KAZN: variants seen among roughly 807,000 people sequenced by gnomAD.
KAZN encodes the protein kazrin.
KAZN carries 40 observed loss-of-function variants against 87.4 expected under a neutral mutation model. The ratio of observed to expected loss-of-function variants is 0.46; its 90% CI spans 0.36 to 0.60. The LOEUF (loss-of-function observed/expected upper bound fraction) is 0.60, where lower values mean the gene tolerates loss of function less well. KAZN is among the 20% of genes least tolerant of loss of function. The pLI, the probability that KAZN is intolerant of heterozygous loss-of-function variation, is 0.00. For synonymous variants in KAZN, 466 were observed against 458.3 expected (o/e 1.02, Z -0.22); for missense variants, 898 against 1,073.9 (o/e 0.84, Z 2.29).
chr1:14,012,970 G>A (rs1373183714), intron 1 of KAZN, among the ~76,000 whole-genome samples: 8 of 152,156 alleles, frequency 5.3e-5, no homozygotes, highest in South Asian at 2.1e-4. Context: ...AGAAGGCTTC[G>A]AGCCTGATAG....
intron 1 of KAZN, among the ~76,000 whole-genome samples, chr1:13,955,571 T>C (rs1263734735): frequency 6.6e-6 from 1 of 152,144 alleles, no homozygotes. Context: ...TGGTGTCTTT[T>C]GGGATTATGG....
At chr1:14,833,697 G>A (rs1344336182) in intron 1 of KAZN, among the ~76,000 whole-genome samples, 2 of 152,076 alleles carry the variant, frequency 1.3e-5, no homozygotes, top group Admixed American at 6.6e-5. Context: ...CAGGTGCCCG[G>A]GGGAAAGCAT....
chr1:14,450,125 C>CA (rs530932599), intron 2 of KAZN, among the ~76,000 whole-genome samples: 18 of 151,958 alleles, frequency 1.2e-4, no homozygotes, highest in South Asian at 2.1e-4. Flanking sequence ...GTGCTGCCCC[C>CA]CCGCCTGCAG....
At chr1:14,874,729 A>G (rs971195607) in intron 1 of KAZN, among the ~76,000 whole-genome samples, 2 of 152,192 alleles carry the variant, frequency 1.3e-5, no homozygotes, top group African/African-American at 2.4e-5. Flanking sequence ...TGTGTTTGCT[A>G]TAAGATGAGA....
At chr1:14,791,656 G>A (rs1645677164) in intron 1 of KAZN, among the ~76,000 whole-genome samples, 1 of 152,194 alleles carries the variant, frequency 6.6e-6, no homozygotes, top group East Asian at 1.9e-4. Flanking sequence ...TGAGGACGGC[G>A]AGAGTGAGCT....
At chr1:13,907,288 G>A (rs1639476835) in intron 1 of KAZN, among the ~76,000 whole-genome samples, 1 of 152,220 alleles carries the variant, frequency 6.6e-6, no homozygotes, top group Non-Finnish European at 1.5e-5. Flanking sequence ...GCCAGTATTA[G>A]GGATCAGTTG....
intron 1 of KAZN, among the ~76,000 whole-genome samples, chr1:13,973,947 T>C (rs1359888299): frequency 1.3e-5 from 2 of 152,194 alleles, no homozygotes; most frequent in African/African-American, 4.8e-5. Flanking sequence ...AGACTATGCA[T>C]ATCGTCATAC....
Position 14,714,877 on chromosome 1 carries a change from C to T in KAZN, c.226+115654C>T, listed in dbSNP as rs745614803. 2.7e-4 allele frequency among the ~76,000 whole-genome samples: 40 copies of T among 150,590 alleles called. 1 individual carries two copies. Among genetic ancestry groups the T allele is most frequent in the Non-Finnish European group, 3.2e-4 (22 of 67,824 alleles). On this transcript the variant is annotated intron_variant, in intron 1 of 14. Coordinates refer to ENST00000376030, the MANE Select transcript of KAZN (RefSeq NM_201628.3). The stretch of plus-strand genomic sequence containing the variant: ...TGGCACAATCACAGTTCACCGCAGC[C>T]TTGACTTCCCAGACTCAAGTGATCC...
At chr1:14,031,666 C>A (rs751110718) in intron 1 of KAZN, among the ~76,000 whole-genome samples, 4 of 152,194 alleles carry the variant, frequency 2.6e-5, no homozygotes, top group African/African-American at 4.8e-5. Context: ...GTTGTCATGG[C>A]AACACATCCC....
chr1:14,641,603 A>G (rs960526513), intron 1 of KAZN, among the ~76,000 whole-genome samples: 18 of 152,270 alleles, frequency 1.2e-4, no homozygotes, highest in African/African-American at 4.3e-4. Context: ...AATGGAAGAG[A>G]CTAGAAGAAG....
chr1:14,506,030 A>G (rs1462468067), intron 2 of KAZN, among the ~76,000 whole-genome samples: 1 of 152,210 alleles, frequency 6.6e-6, no homozygotes, highest in Non-Finnish European at 1.5e-5. Flanking sequence ...ATGTGAATGT[A>G]CTTCATGTCA....
intron 1 of KAZN, among the ~76,000 whole-genome samples, chr1:14,059,800 T>G (rs1642716200): frequency 6.6e-6 from 1 of 152,242 alleles, no homozygotes. Flanking sequence ...TAGGATTCCT[T>G]CAGGTCCAGG....
At chr1:14,278,354 A>T (rs910197387) in intron 2 of KAZN, among the ~76,000 whole-genome samples, 3 of 148,218 alleles carry the variant, frequency 2.0e-5, no homozygotes, top group Non-Finnish European at 4.5e-5. Context: ...GCAGTGGTAC[A>T]ATCTCTGCTC....
At chr1:13,914,511 G>A (rs528211520) in intron 1 of KAZN, among the ~76,000 whole-genome samples, 1 of 152,206 alleles carries the variant, frequency 6.6e-6, no homozygotes, top group African/African-American at 2.4e-5. Context: ...TCACCGCCTC[G>A]ATTAGGTTAT....
intron 13 of KAZN, among the ~76,000 whole-genome samples, chr1:15,111,566 C>T (rs556419121): frequency 1.3e-5 from 2 of 152,358 alleles, no homozygotes; most frequent in South Asian, 2.1e-4. Context: ...GCATGAGCCA[C>T]CATGCCCGGC....
intron 2 of KAZN, among the ~76,000 whole-genome samples, chr1:14,452,035 A>G (rs1571683771): frequency 6.6e-6 from 1 of 152,054 alleles, no homozygotes; most frequent in Non-Finnish European, 1.5e-5. Flanking sequence ...CGTCTCCTGG[A>G]TTCTAGCGAT....
intron 2 of KAZN, among the ~76,000 whole-genome samples, chr1:14,277,852 C>A (rs551948157): frequency 5.5e-4 from 84 of 152,174 alleles, no homozygotes; most frequent in Admixed American, 3.7e-3. Context: ...TCAATTTATA[C>A]ACATTCACCT....
chr1:14,733,492 G>A (rs756883032), intron 1 of KAZN, among the ~76,000 whole-genome samples: 2 of 152,166 alleles, frequency 1.3e-5, no homozygotes, highest in Admixed American at 6.5e-5. Flanking sequence ...GTGCAGCCTC[G>A]TGCCGTAGGG....
intron 2 of KAZN, among the ~76,000 whole-genome samples, chr1:14,427,831 A>G (rs964252571): frequency 1.3e-5 from 2 of 152,186 alleles, no homozygotes; most frequent in African/African-American, 4.8e-5. Context: ...TCATTAATGT[A>G]AATTATTACT....
Sources: gnomAD v4.1 joint callset for allele counts (sites outside exome capture counted in the v4.1 genomes callset) on GRCh38, gnomAD v4.1.1 for gene constraint, MANE v1.5 for transcripts, NCBI Gene and HGNC (gene_info 2026-07-23, HGNC 2026-07-21) for gene names.